Variants in DPH6 observed in about 807,000 individuals in gnomAD.
The protein encoded by DPH6 is diphthine--ammonia ligase.
Under a neutral mutation model 38.2 loss-of-function variants are expected in DPH6, and 33 were observed. The observed-to-expected ratio is 0.86, with a 90% CI of 0.65 to 1.15. The LOEUF is 1.15. Ranked by LOEUF, DPH6 falls within the 50% of genes most tolerant of loss-of-function variation. The pLI is 0.00. For synonymous variants in DPH6, 108 were observed against 103.0 expected (o/e 1.05, Z -0.30); for missense variants, 325 against 320.0 (o/e 1.02, Z -0.12).
At chr15:35,256,955 A>G (rs919777676) in intron 3 of DPH6, among the ~76,000 whole-genome samples, 1 of 152,218 alleles carries the variant, frequency 6.6e-6, no homozygotes, top group African/African-American at 2.4e-5. Flanking sequence ...AGAAGACTAA[A>G]AAGAGTCTGT....
At chr15:35,246,130 C>T (rs949046908) in intron 3 of DPH6, among the ~76,000 whole-genome samples, 2 of 152,148 alleles carry the variant, frequency 1.3e-5, no homozygotes, top group East Asian at 1.9e-4. Flanking sequence ...TCCTATAAAA[C>T]GGCCCCACCC....
chr15:35,394,865 A>G (rs1425700264), intron 6 of DPH6, among the ~76,000 whole-genome samples: 1 of 152,214 alleles, frequency 6.6e-6, no homozygotes, highest in Non-Finnish European at 1.5e-5. Flanking sequence ...TTCCAGAGGT[A>G]AAAACTAGCT....
At chr15:35,174,982 T>A in the DPH6 span, among the ~76,000 whole-genome samples, 3 of 152,234 alleles carry the variant, frequency 2.0e-5, no homozygotes, top group African/African-American at 7.2e-5. Flanking sequence ...TATGTTTTCA[T>A]CCTCTTAGAT....
intron 3 of DPH6, among the ~76,000 whole-genome samples, chr15:35,511,878 C>T (rs903896346): frequency 2.6e-5 from 4 of 151,744 alleles, no homozygotes; most frequent in Admixed American, 2.6e-4. Flanking sequence ...TAATAATTAC[C>T]ACAAAATAAA....
intron 7 of DPH6, among the ~76,000 whole-genome samples, chr15:35,375,159 T>TA (rs1262767583): frequency 6.6e-6 from 1 of 152,044 alleles, no homozygotes; most frequent in Non-Finnish European, 1.5e-5. Context: ...GAAAGGGTTT[T>TA]AGGTCCTCCC....
intron 3 of DPH6, among the ~76,000 whole-genome samples, chr15:35,482,021 G>GA (rs1022848052): frequency 3.9e-5 from 6 of 152,204 alleles, no homozygotes; most frequent in African/African-American, 1.4e-4. Context: ...ACTGAGCTTT[G>GA]AGAGTCTGTG....
chr15:35,426,943 A>G (rs2141024415), intron 5 of DPH6, among the ~76,000 whole-genome samples: 1 of 151,282 alleles, frequency 6.6e-6, no homozygotes, highest in East Asian at 1.9e-4. Context: ...AACATCTTAT[A>G]ACATGACATT....
At chr15:35,258,275 T>G (rs529046936) in intron 3 of DPH6, among the ~76,000 whole-genome samples, 7 of 152,158 alleles carry the variant, frequency 4.6e-5, no homozygotes, top group South Asian at 2.1e-4. Flanking sequence ...CTAGAACTGT[T>G]TTCACTAAAA....
At chr15:35,232,790 G>A (rs1444455511) in intron 3 of DPH6, among the ~76,000 whole-genome samples, 1 of 152,074 alleles carries the variant, frequency 6.6e-6, no homozygotes, top group Non-Finnish European at 1.5e-5. Flanking sequence ...ATTTTCACAG[G>A]CAGCCTAGCA....
intron 6 of DPH6, among the ~76,000 whole-genome samples, chr15:35,390,996 A>T (rs1243338775): frequency 6.6e-6 from 1 of 152,014 alleles, no homozygotes; most frequent in Admixed American, 6.6e-5. Flanking sequence ...GTCTTTGATG[A>T]TGGTGACGTA....
chr15:35,355,449 C>T (rs1217919090), intron 3 of DPH6, among the ~76,000 whole-genome samples: 1 of 152,168 alleles, frequency 6.6e-6, no homozygotes, highest in Non-Finnish European at 1.5e-5. Flanking sequence ...ATGTTTAGTG[C>T]TTCCTTCAGG....
intron 3 of DPH6, among the ~76,000 whole-genome samples, chr15:35,355,692 C>G (rs552672041): frequency 6.6e-6 from 1 of 152,298 alleles, no homozygotes; most frequent in South Asian, 2.1e-4. Context: ...GGTAACCCAA[C>G]CTTTCTCTCT....
the DPH6 span, among the ~76,000 whole-genome samples, chr15:35,163,157 A>G: frequency 6.6e-6 from 1 of 151,896 alleles, no homozygotes; most frequent in Non-Finnish European, 1.5e-5. Flanking sequence ...TAGAGATATC[A>G]CATATTATTT....
chr15:35,438,442 C>A lies in DPH6; in HGVS notation c.505+12243G>T, dbSNP rs533440908. The stretch of plus-strand genomic sequence containing the variant: ...AGAAGCCTCCGTTTTCCTCGTGGAG[C>A]CCCAGGAATTAGAGGCGGATGAATC... On this transcript the variant is annotated intron_variant, in intron 5 of 8. Transcript: ENST00000256538. Among the ~76,000 whole-genome samples the A allele has an allele frequency of 2.0e-5, 3 of 152,268 alleles. No individual in the cohort carries two copies. In the South Asian group the frequency reaches 6.2e-4, roughly 32 times the overall value.
intron 3 of DPH6, among the ~76,000 whole-genome samples, chr15:35,285,954 T>C (rs1474517518): frequency 6.9e-6 from 1 of 143,996 alleles, no homozygotes; most frequent in Non-Finnish European, 1.5e-5. Context: ...TAATAAGAGC[T>C]CATAGAGGCA....
At chr15:35,498,435 T>A (rs2054584357) in intron 3 of DPH6, among the ~76,000 whole-genome samples, 2 of 152,136 alleles carry the variant, frequency 1.3e-5, no homozygotes, top group African/African-American at 4.8e-5. Context: ...GTTCCTTTAT[T>A]ACCATAAAAA....
At chr15:35,312,301 A>G (rs16960773) in intron 3 of DPH6, among the ~76,000 whole-genome samples, 13,341 of 152,224 alleles carry the variant, frequency 0.088, 656 homozygotes, top group Middle Eastern at 0.18. Context: ...AGGTAGGCAG[A>G]AAGCCAGTGA....
intron 3 of DPH6, among the ~76,000 whole-genome samples, chr15:35,456,287 C>G (rs951150617): frequency 2.6e-5 from 4 of 151,704 alleles, no homozygotes; most frequent in African/African-American, 9.7e-5. Flanking sequence ...ATAATGTTAT[C>G]AAAATTTTAG....
chr15:35,520,085 T>C (rs1479682527), intron 3 of DPH6: 4 of 162,678 alleles, frequency 2.5e-5, no homozygotes, highest in African/African-American at 9.6e-5. Context: ...CTCATGCAAT[T>C]CTTCCATAAT....
Sources: allele counts gnomAD v4.1 joint callset (sites outside exome capture counted in the v4.1 genomes callset), GRCh38; gene constraint gnomAD v4.1.1; transcripts MANE v1.5; gene names NCBI Gene and HGNC (gene_info 2026-07-23, HGNC 2026-07-21).